Variants in MACROD2 observed in about 807,000 individuals in gnomAD.
MACROD2 encodes mono-ADP ribosylhydrolase 2.
In MACROD2, 36 loss-of-function variants were observed where a neutral mutation model predicts 70.4. The observed-to-expected ratio is 0.51, with a 90% CI of 0.39 to 0.68. The LOEUF (loss-of-function observed/expected upper bound fraction) is 0.68. Ranked by LOEUF, MACROD2 falls within the 30% of genes least tolerant of loss-of-function variation. The probability of loss-of-function intolerance (pLI) is 0.00; values close to 1 mark genes in which losing one functional copy is unlikely to be tolerated. For synonymous variants in MACROD2, 172 were observed against 178.8 expected, an observed-to-expected ratio of 0.96 and a Z score of 0.30; for missense variants, 496 against 538.4, an observed-to-expected ratio of 0.92 and a Z score of 0.78.
intron 3 of MACROD2, among the ~76,000 whole-genome samples, chr20:14,362,963 C>T (rs1434565468): frequency 2.0e-5 from 3 of 152,102 alleles, no homozygotes; most frequent in Non-Finnish European, 4.4e-5. Context: ...ACAACCAGCT[C>T]ACAAAATTTC....
intron 5 of MACROD2, among the ~76,000 whole-genome samples, chr20:15,088,397 TTATATATATATATA>T (rs71190173): frequency 0.017 from 1,874 of 110,776 alleles, 33 homozygotes; most frequent in East Asian, 0.05. Flanking sequence ...ATACTATATT[TTATATATATATATA>T]TATATATATA....
At chr20:14,246,814 T>TC (rs1415733398) in intron 3 of MACROD2, among the ~76,000 whole-genome samples, 5 of 152,184 alleles carry the variant, frequency 3.3e-5, no homozygotes, top group Non-Finnish European at 7.3e-5. Context: ...TATTCAGCCT[T>TC]CCCTCAAGGT....
chr20:15,983,266 C>T (rs2066428392), intron 13 of MACROD2, among the ~76,000 whole-genome samples: 1 of 152,116 alleles, frequency 6.6e-6, no homozygotes, highest in Non-Finnish European at 1.5e-5. Context: ...AGTTGAAAGA[C>T]CTATAAGGGG....
intron 4 of MACROD2, among the ~76,000 whole-genome samples, chr20:14,669,590 C>G (rs2123556906): frequency 6.6e-6 from 1 of 152,274 alleles, no homozygotes; most frequent in East Asian, 1.9e-4. Context: ...GAAAGATTAT[C>G]TTTCTCCATA....
At chr20:14,281,947 A>AG (rs1490674121) in intron 3 of MACROD2, among the ~76,000 whole-genome samples, 7 of 151,098 alleles carry the variant, frequency 4.6e-5, no homozygotes, top group Admixed American at 6.6e-5. Context: ...AAAAAAAAAA[A>AG]AAAAGAAAAG....
rs1258258654 is a variant in MACROD2 at position 14,325,788 on chromosome 20, A to G, written c.272-167691A>G. On this transcript the variant is annotated intron_variant, in intron 3 of 17. Transcript: ENST00000684519. ...TCTTAGTGCCAGCTTCTGCATAGTC[A>G]TCCTTTCTTCTCCTCCCTTTGCTAT... 1.9e-6 allele frequency: 3 copies of G among 1,613,884 alleles called. No homozygotes were observed. The South Asian group carries it at 3.3e-5, about 18-fold the overall frequency.
At chr20:15,648,004 A>G (rs576537203) in intron 8 of MACROD2, among the ~76,000 whole-genome samples, 43 of 152,270 alleles carry the variant, frequency 2.8e-4, no homozygotes, top group Non-Finnish European at 5.3e-4. Context: ...GATTACAGGC[A>G]TGAGCCACTG....
chr20:15,819,438 A>G (rs1209529299), intron 8 of MACROD2, among the ~76,000 whole-genome samples: 1 of 141,316 alleles, frequency 7.1e-6, no homozygotes, highest in African/African-American at 2.7e-5. Context: ...TAAGTATATA[A>G]TTATATAAAT....
intron 4 of MACROD2, among the ~76,000 whole-genome samples, chr20:14,551,189 A>T (rs4141730): frequency 0.016 from 2,429 of 152,274 alleles, 137 homozygotes; most frequent in Admixed American, 0.1. Flanking sequence ...CATGAAAATT[A>T]AGATTTAATT....
At chr20:14,349,874 A>G (rs181314682) in intron 3 of MACROD2, among the ~76,000 whole-genome samples, 4 of 141,332 alleles carry the variant, frequency 2.8e-5, no homozygotes, top group African/African-American at 1.1e-4. Flanking sequence ...TCAGCCTCCC[A>G]AGTAGCTGGA....
At chr20:15,317,919 A>C (rs1385075262) in intron 6 of MACROD2, among the ~76,000 whole-genome samples, 6 of 152,084 alleles carry the variant, frequency 3.9e-5, no homozygotes, top group East Asian at 1.9e-4. Flanking sequence ...ATGTTTGGCC[A>C]AATGTCTGGG....
At chr20:15,201,750 A>AGT (rs2076657927) in intron 5 of MACROD2, among the ~76,000 whole-genome samples, 1 of 152,218 alleles carries the variant, frequency 6.6e-6, no homozygotes, top group Non-Finnish European at 1.5e-5. Flanking sequence ...AAGGGTGTCC[A>AGT]TCTCTGATGT....
At chr20:14,205,328 G>C (rs760569447) in intron 3 of MACROD2, among the ~76,000 whole-genome samples, 35 of 152,196 alleles carry the variant, frequency 2.3e-4, no homozygotes, top group African/African-American at 6.3e-4. Flanking sequence ...GAAGAAATAG[G>C]CAAGTGGACA....
At chr20:14,548,368 C>CT (rs1010446948) in intron 4 of MACROD2, among the ~76,000 whole-genome samples, 19 of 151,242 alleles carry the variant, frequency 1.3e-4, no homozygotes, top group Admixed American at 2.6e-4. Context: ...TCTACTATAT[C>CT]TTTTTTTTTC....
At chr20:14,270,307 C>T (rs754726539) in intron 3 of MACROD2, among the ~76,000 whole-genome samples, 2 of 152,086 alleles carry the variant, frequency 1.3e-5, no homozygotes, top group African/African-American at 2.4e-5. Context: ...ACTATGTCCT[C>T]TCAACCGGGC....
chr20:14,447,400 A>G (rs906581347), intron 3 of MACROD2, among the ~76,000 whole-genome samples: 1 of 152,168 alleles, frequency 6.6e-6, no homozygotes, highest in African/African-American at 2.4e-5. Context: ...TTTCGAGATT[A>G]AAGATTTTGT....
intron 6 of MACROD2, among the ~76,000 whole-genome samples, chr20:15,340,428 G>A (rs908778874): frequency 5.3e-5 from 8 of 151,864 alleles, no homozygotes; most frequent in Admixed American, 2.0e-4. Context: ...GGACCACTGC[G>A]CCCAGCTGTC....
chr20:15,422,715 T>A (rs2146343126), intron 6 of MACROD2, among the ~76,000 whole-genome samples: 1 of 152,328 alleles, frequency 6.6e-6, no homozygotes, highest in East Asian at 1.9e-4. Context: ...AAATTGCCTG[T>A]CTCTCTATCA....
intron 8 of MACROD2, among the ~76,000 whole-genome samples, chr20:15,759,014 G>A (rs1328031375): frequency 1.3e-5 from 2 of 152,020 alleles, no homozygotes; most frequent in African/African-American, 2.4e-5. Flanking sequence ...CGGGCTTGCT[G>A]GCAGGGGCCT....
Sources: gnomAD v4.1 joint callset for allele counts (sites outside exome capture counted in the v4.1 genomes callset) on GRCh38, gnomAD v4.1.1 for gene constraint, MANE v1.5 for transcripts, NCBI Gene and HGNC (gene_info 2026-07-23, HGNC 2026-07-21) for gene names.